The following HELLS variants were observed in gnomAD, a reference collection of about 807,000 sequenced individuals.
HELLS encodes the protein helicase, lymphoid specific, also known as lymphoid-specific helicase.
Under a neutral mutation model 120.0 loss-of-function variants are expected in HELLS, and 32 were observed. The observed-to-expected ratio is 0.27, with a 90% CI of 0.20 to 0.36. The LOEUF is 0.36. HELLS is among the 10% of genes least tolerant of loss of function. The pLI, the probability that HELLS is intolerant of heterozygous loss-of-function variation, is 1.00. For missense variants in HELLS, 650 were observed against 993.4 expected (o/e 0.65, Z 4.65); for synonymous variants, 341 against 323.4 (o/e 1.05, Z -0.58).
In HELLS at chr10:94,593,186, A is replaced by G. The variant is rs560240143; in HGVS notation, c.1972-313A>G. Among the ~76,000 whole-genome samples the G allele has an allele frequency of 3.3e-5, 5 of 152,154 alleles. 1 individual carries two copies. Among genetic ancestry groups the G allele is most frequent in the South Asian group, 4.1e-4 (2 of 4,824 alleles). Reference sequence around the variant, plus strand: ...AGTTTCCTGTGCCCCCTTCTAGTCAATTCTCCCCTGCACCCACCCCATGTG... The same window carrying G: ...AGTTTCCTGTGCCCCCTTCTAGTCAGTTCTCCCCTGCACCCACCCCATGTG... On this transcript the variant is annotated intron_variant, in intron 17 of 21. Coordinates refer to ENST00000348459, the MANE Select transcript of HELLS (RefSeq NM_018063.5).
chr10:94,584,070 A>G (rs1304806586), intron 12 of HELLS: 3 of 1,394,554 alleles, frequency 2.2e-6, no homozygotes, highest in Non-Finnish European at 2.9e-6. Context: ...AAAGATTTAT[A>G]TGATATACGT....
chr10:94,577,225 G>A, intron 10 of HELLS: 1 of 263,286 alleles, frequency 3.8e-6, no homozygotes, highest in South Asian at 3.7e-5. Context: ...TGATGTTCTA[G>A]CTACTTATTT....
intron 21 of HELLS, among the ~76,000 whole-genome samples, chr10:94,600,839 AGAC>A (rs1290946351): frequency 1.3e-5 from 2 of 152,196 alleles, no homozygotes; most frequent in African/African-American, 4.8e-5. Context: ...TTAATAGGAA[AGAC>A]TACTATAAGA....
chr10:94,578,169 G>A (rs1327343569), intron 10 of HELLS, among the ~76,000 whole-genome samples: 1 of 151,890 alleles, frequency 6.6e-6, no homozygotes, highest in African/African-American at 2.4e-5. Flanking sequence ...AGGAGGTGGA[G>A]GTTGCAGTGA....
intron 6 of HELLS, among the ~76,000 whole-genome samples, chr10:94,564,864 C>T (rs1319292002): frequency 1.3e-5 from 2 of 151,646 alleles, no homozygotes; most frequent in African/African-American, 2.4e-5. Context: ...CAAAGTGCTG[C>T]GATTACAGGC....
At chr10:94,569,878 A>G (rs977510044) in intron 6 of HELLS, 16 of 152,108 alleles carry the variant, frequency 1.1e-4, no homozygotes, top group African/African-American at 3.9e-4. Flanking sequence ...TTTAAGAAAC[A>G]TTATTTGTTG....
chr10:94,554,122 A>G lies in HELLS; in HGVS notation c.154-4A>G. The G allele has an allele frequency of 6.4e-7, 1 of 1,568,564 alleles. No individual in the cohort carries two copies. Among genetic ancestry groups the G allele is most frequent in the Non-Finnish European group, 8.6e-7 (1 of 1,166,220 alleles). On this transcript the variant is annotated splice_region_variant and splice_polypyrimidine_tract_variant and intron_variant, in intron 2 of 21. Coordinates refer to ENST00000348459, the MANE Select transcript of HELLS (RefSeq NM_018063.5). ...ATAATTATGGAAATTTTCTCTTTGG[A>G]TAGGCTCGCATGTCTTGGGATAGAG...
intron 2 of HELLS, among the ~76,000 whole-genome samples, chr10:94,551,247 TC>T (rs1842968859): frequency 6.6e-6 from 1 of 152,190 alleles, no homozygotes; most frequent in Non-Finnish European, 1.5e-5. Context: ...ATTCTTAGAA[TC>T]TTACTGTAGT....
At chr10:94,580,462 C>T (rs1844814660) in intron 10 of HELLS, among the ~76,000 whole-genome samples, 1 of 151,698 alleles carries the variant, frequency 6.6e-6, no homozygotes, top group Non-Finnish European at 1.5e-5. Context: ...GATTACAGGC[C>T]TGAGCCACTG....
rs1845258910 is a variant in HELLS, at chr10:94,587,952, G to T, written c.1327-277G>T. ...GCTATAACTGAAACTTCAACCCTAA[G>T]AAATACAAATGCTACCTTTATATTT... On this transcript the variant is annotated intron_variant, in intron 12 of 21. Coordinates refer to ENST00000348459, the MANE Select transcript of HELLS (RefSeq NM_018063.5). Among the ~76,000 whole-genome samples, 3 of 151,950 alleles carry T rather than the reference G, an allele frequency of 2.0e-5. No homozygotes were observed. The South Asian group carries it at 6.2e-4, about 32-fold the overall frequency.
At chr10:94,554,280 C>T in intron 3 of HELLS, 32 bp downstream of exon 3, 4 of 1,468,772 alleles carry the variant, frequency 2.7e-6, no homozygotes, top group Non-Finnish European at 2.7e-6. Context: ...CAAGTGAAAG[C>T]TTAAAAAAAT....
chr10:94,595,385 C>T (rs1394574095), intron 19 of HELLS, among the ~76,000 whole-genome samples: 1 of 152,020 alleles, frequency 6.6e-6, no homozygotes, highest in Non-Finnish European at 1.5e-5. Flanking sequence ...GAAAAGGGGT[C>T]AAGGATAACT....
intron 6 of HELLS, among the ~76,000 whole-genome samples, chr10:94,568,473 C>T (rs1843952644): frequency 6.6e-6 from 1 of 151,950 alleles, no homozygotes; most frequent in Non-Finnish European, 1.5e-5. Flanking sequence ...AGATTTTTAT[C>T]GATTTCTGTG....
intron 17 of HELLS, 85 bp downstream of exon 17, chr10:94,592,599 C>T (rs1845546757): frequency 1.1e-6 from 1 of 905,102 alleles, no homozygotes; most frequent in Non-Finnish European, 1.5e-6. Flanking sequence ...AATAGACCCA[C>T]AAATTGATAA....
chr10:94,581,951 A>G (rs563007005), intron 11 of HELLS, among the ~76,000 whole-genome samples: 92 of 152,310 alleles, frequency 6.0e-4, no homozygotes, highest in Admixed American at 1.2e-3. Context: ...GTTAAAACCA[A>G]GGTCTCCCAA....
intron 4 of HELLS, among the ~76,000 whole-genome samples, chr10:94,560,928 T>C (rs1843525842): frequency 6.6e-6 from 1 of 151,568 alleles, no homozygotes. Flanking sequence ...TGATGGCGGG[T>C]ACCTGTAATC....
chr10:94,550,162 C>G (rs955932744), intron 2 of HELLS, among the ~76,000 whole-genome samples: 1 of 152,120 alleles, frequency 6.6e-6, no homozygotes. Context: ...TCAGGTGATC[C>G]GCCCGTCTTG....
chr10:94,550,746 C>T (rs922683045), intron 2 of HELLS, among the ~76,000 whole-genome samples: 3 of 151,918 alleles, frequency 2.0e-5, no homozygotes, highest in African/African-American at 7.2e-5. Context: ...AAAAACTAGC[C>T]GGCATGGTGG....
At chr10:94,606,612 AG>A (rs1174911116), downstream of HELLS, among the ~76,000 whole-genome samples, 2 of 152,096 alleles carry the variant, frequency 1.3e-5, no homozygotes, top group Non-Finnish European at 2.9e-5. Context: ...TGCTTCCCAA[AG>A]CATTGGTATT....
Sources: allele counts gnomAD v4.1 joint callset (sites outside exome capture counted in the v4.1 genomes callset), GRCh38; gene constraint gnomAD v4.1.1; transcripts MANE v1.5; gene names NCBI Gene and HGNC (gene_info 2026-07-23, HGNC 2026-07-21).